Variants in ATXN1 observed in about 807,000 individuals in gnomAD.
The protein encoded by ATXN1 is ataxin 1.
In ATXN1, 8 loss-of-function variants were observed where a neutral mutation model predicts 56.4. That is an observed-to-expected ratio of 0.14 (90% CI 0.08 to 0.26). ATXN1 has a LOEUF of 0.26. ATXN1 is among the 10% of genes least tolerant of loss of function. The pLI is 1.00. For synonymous variants in ATXN1, 514 were observed against 494.6 expected (o/e 1.04, Z -0.52); for missense variants, 987 against 1,106.5 (o/e 0.89, Z 1.53).
intron 2 of ATXN1, among the ~76,000 whole-genome samples, chr6:16,674,919 G>A (rs898578165): frequency 6.6e-6 from 1 of 152,168 alleles, no homozygotes; most frequent in East Asian, 1.9e-4. Flanking sequence ...CATGTGAAAA[G>A]ATCCTGTTTT....
At chr6:16,703,954 G>A (rs972573741) in intron 2 of ATXN1, among the ~76,000 whole-genome samples, 6 of 152,186 alleles carry the variant, frequency 3.9e-5, no homozygotes, top group Admixed American at 3.3e-4. Context: ...GGGGGGTGGA[G>A]GTTGCAGTGA....
chr6:16,440,648 AAAAAG>A (rs1554147545), intron 6 of ATXN1, among the ~76,000 whole-genome samples: 1 of 118,548 alleles, frequency 8.4e-6, no homozygotes, highest in African/African-American at 3.6e-5. Flanking sequence ...CTTAAAAAAA[AAAAAG>A]AAAAGAAAAG....
chr6:16,498,652 G>C (rs974068062), intron 5 of ATXN1, among the ~76,000 whole-genome samples: 4 of 152,120 alleles, frequency 2.6e-5, no homozygotes, highest in African/African-American at 7.2e-5. Flanking sequence ...GCCAACACTT[G>C]TTATTTTCCT....
At chr6:16,459,152 G>C (rs1426790674) in intron 6 of ATXN1, among the ~76,000 whole-genome samples, 2 of 152,184 alleles carry the variant, frequency 1.3e-5, no homozygotes, top group African/African-American at 4.8e-5. Flanking sequence ...ACCCTTATTA[G>C]GGAGGGACAT....
chr6:16,591,684 T>C (rs1300384555), intron 3 of ATXN1, among the ~76,000 whole-genome samples: 1 of 152,246 alleles, frequency 6.6e-6, no homozygotes, highest in Admixed American at 6.5e-5. Flanking sequence ...TATGAGCTCC[T>C]TAGGGGCCCC....
intron 4 of ATXN1, among the ~76,000 whole-genome samples, chr6:16,581,531 G>A (rs1254755701): frequency 6.6e-6 from 1 of 152,058 alleles, no homozygotes; most frequent in Non-Finnish European, 1.5e-5. Context: ...AAGCACCCAG[G>A]AATGGAGGGA....
At chr6:16,645,845 C>G (rs1763790419) in intron 3 of ATXN1, among the ~76,000 whole-genome samples, 1 of 152,138 alleles carries the variant, frequency 6.6e-6, no homozygotes. Context: ...GCTTTGAAAA[C>G]AGACTCCACC....
intron 2 of ATXN1, among the ~76,000 whole-genome samples, chr6:16,702,020 T>C (rs186984319): frequency 0.28 from 41,957 of 151,750 alleles, 6,010 homozygotes; most frequent in Non-Finnish European, 0.32. Flanking sequence ...AGAGCCCACA[T>C]TGCCAAGTCA....
At chr6:16,739,658 C>G (rs1760262416) in intron 2 of ATXN1, 2 of 373,402 alleles carry the variant, frequency 5.4e-6, no homozygotes, top group South Asian at 3.8e-5. Flanking sequence ...AATGACTAAG[C>G]CTGCGCCAGC....
intron 7 of ATXN1, among the ~76,000 whole-genome samples, chr6:16,323,167 A>AT (rs1373083606): frequency 6.6e-6 from 1 of 152,122 alleles, no homozygotes; most frequent in Non-Finnish European, 1.5e-5. Context: ...TTAATCATTA[A>AT]TTTTGCAAAG....
intron 2 of ATXN1, among the ~76,000 whole-genome samples, chr6:16,722,224 G>A (rs1019744641): frequency 4.6e-5 from 7 of 152,168 alleles, no homozygotes; most frequent in African/African-American, 1.4e-4. Context: ...AGCAGGGGGC[G>A]GCTGTAAGCC....
intron 2 of ATXN1, among the ~76,000 whole-genome samples, chr6:16,706,179 C>T (rs1024008246): frequency 4.6e-5 from 7 of 152,158 alleles, no homozygotes; most frequent in Non-Finnish European, 1.0e-4. Context: ...CTCTGCAGGC[C>T]TTCTCAGCAC....
chr6:16,486,325 T>A (rs577373852), intron 5 of ATXN1, among the ~76,000 whole-genome samples: 1 of 152,306 alleles, frequency 6.6e-6, no homozygotes, highest in East Asian at 1.9e-4. Flanking sequence ...TGAAGCCATT[T>A]CTGGGAGACT....
intron 6 of ATXN1, among the ~76,000 whole-genome samples, chr6:16,329,842 G>A (rs1443124446): frequency 6.6e-6 from 1 of 152,208 alleles, no homozygotes; most frequent in East Asian, 1.9e-4. Flanking sequence ...CTGAGTTACT[G>A]CTGCTGTGTG....
intron 5 of ATXN1, among the ~76,000 whole-genome samples, chr6:16,502,331 A>T (rs1024440663): frequency 6.6e-6 from 1 of 152,202 alleles, no homozygotes; most frequent in Non-Finnish European, 1.5e-5. Context: ...AGTGCTACTT[A>T]AAAAAATACA....
chr6:16,736,815 G>T (rs3793118), intron 2 of ATXN1: 1 of 152,070 alleles, frequency 6.6e-6, no homozygotes, highest in Non-Finnish European at 1.5e-5. Flanking sequence ...CATTAGCAAA[G>T]GTTATTTGTA....
At chr6:16,586,083 A>T (rs943530275) in intron 3 of ATXN1, among the ~76,000 whole-genome samples, 176 bp from the exon 4 acceptor site, 1 of 150,446 alleles carries the variant, frequency 6.6e-6, no homozygotes, top group African/African-American at 2.5e-5. Context: ...TTTAAATCAG[A>T]ATGTCAAAAA....
intron 3 of ATXN1, among the ~76,000 whole-genome samples, chr6:16,620,698 G>C (rs1274871795): frequency 6.6e-6 from 1 of 152,192 alleles, no homozygotes; most frequent in Non-Finnish European, 1.5e-5. Context: ...CCCCCAAAAG[G>C]CTTTAGCCCT....
intron 3 of ATXN1, among the ~76,000 whole-genome samples, chr6:16,612,849 C>T (rs1320891917): frequency 6.7e-6 from 1 of 150,004 alleles, no homozygotes; most frequent in Admixed American, 6.7e-5. Flanking sequence ...CGAGAGTGCA[C>T]CACTGCACTC....
Sources: allele counts gnomAD v4.1 joint callset (sites outside exome capture counted in the v4.1 genomes callset), GRCh38; gene constraint gnomAD v4.1.1; transcripts MANE v1.5; gene names NCBI Gene and HGNC (gene_info 2026-07-23, HGNC 2026-07-21).